The following RILPL2 variants were observed in gnomAD, a reference collection of about 807,000 sequenced individuals.
RILPL2 encodes Rab interacting lysosomal protein like 2, also known as RILP-like protein 2.
Under a neutral mutation model 22.2 loss-of-function variants are expected in RILPL2, and 19 were observed. That is an observed-to-expected ratio of 0.86 (90% confidence interval 0.60 to 1.25). The LOEUF is 1.25. Ranked by LOEUF, RILPL2 falls within the 50% of genes most tolerant of loss-of-function variation. The pLI is 0.00. For synonymous variants in RILPL2, 123 were observed against 111.6 expected (o/e 1.10, Z -0.64); for missense variants, 243 against 263.6 (o/e 0.92, Z 0.54).
intron 3 of RILPL2, among the ~76,000 whole-genome samples, chr12:123,417,860 C>T (rs1566089445): frequency 6.6e-6 from 1 of 152,206 alleles, no homozygotes; most frequent in Admixed American, 6.6e-5. Context: ...GCTGGGATTA[C>T]AGGCGTGAGC....
rs1189950557 is a variant in RILPL2 at position 123,430,675 on chromosome 12, C to T, written c.340-16G>A. Reference sequence around the variant, plus strand: ...CCAGGTTCACCTGGAAGAAAAGACGCAACCTTTGCAAGCAACTCTATATAA... The same window carrying T: ...CCAGGTTCACCTGGAAGAAAAGACGTAACCTTTGCAAGCAACTCTATATAA... On this transcript the variant is annotated splice_polypyrimidine_tract_variant and intron_variant, in intron 1 of 3. Coordinates refer to ENST00000280571, the MANE Select transcript of RILPL2 (RefSeq NM_145058.3). 6.4e-7 allele frequency: 1 copy of T among 1,557,084 alleles called. No homozygotes were observed.
chr12:123,430,324 G>A (rs1398408556), intron 2 of RILPL2, among the ~76,000 whole-genome samples, 184 bp downstream of exon 2: 4 of 151,982 alleles, frequency 2.6e-5, no homozygotes, highest in South Asian at 2.1e-4. Context: ...CAGGAGAATG[G>A]CGTGAACCCG....
intron 2 of RILPL2, among the ~76,000 whole-genome samples, chr12:123,424,943 T>G (rs922997148): frequency 2.4e-4 from 36 of 151,722 alleles, no homozygotes; most frequent in African/African-American, 8.5e-4. Flanking sequence ...GTGGTGGCGC[T>G]ACCTTGGCTC....
chr12:123,418,756 CTTTTTTTT>C (rs1202023726), intron 3 of RILPL2, among the ~76,000 whole-genome samples: 3 of 96,240 alleles, frequency 3.1e-5, no homozygotes, highest in Admixed American at 1.2e-4. Flanking sequence ...CTTTTTCTTT[CTTTTTTTT>C]TTTTTTTTTT....
chr12:123,430,969 G>A (rs973682977), intron 1 of RILPL2, among the ~76,000 whole-genome samples: 1 of 152,094 alleles, frequency 6.6e-6, no homozygotes, highest in African/African-American at 2.4e-5. Flanking sequence ...AAAGTGCTGG[G>A]ATTACAGGCG....
downstream of RILPL2, chr12:123,413,609 C>CA (rs1487068229): frequency 6.6e-6 from 1 of 152,226 alleles, no homozygotes; most frequent in East Asian, 1.9e-4. Flanking sequence ...AGATTTATTG[C>CA]AAAGAACAAA....
In RILPL2 at chr12:123,436,618, C is replaced by T; in HGVS notation, c.-198G>A. 1 of 859,108 alleles carries T rather than the reference C, an allele frequency of 1.2e-6. No individual in the cohort carries two copies. The highest frequency in any genetic ancestry group is 2.7e-5 in the East Asian group (1 of 37,170). 53.2% of individuals were successfully genotyped at this position (859,108 alleles called of 1,614,324 possible). On this transcript the variant is annotated 5_prime_UTR_variant, in exon 1 of 4. Transcript: ENST00000280571. The surrounding 1 kb of genome is among the most constrained non-coding windows in gnomAD (Gnocchi z 6.7). ...GGCCTGCGCCCCGGCGCACCGTCCC[C>T]GCTGCCAGCCACGCTGGAGAGTGCG...
chr12:123,429,186 T>A (rs964170267), intron 2 of RILPL2, among the ~76,000 whole-genome samples: 2 of 152,076 alleles, frequency 1.3e-5, no homozygotes, highest in Non-Finnish European at 2.9e-5. Flanking sequence ...GACAGGGTCT[T>A]GCTATGTTGC....
chr12:123,426,671 G>T (rs1264440031), intron 2 of RILPL2, among the ~76,000 whole-genome samples: 1 of 151,958 alleles, frequency 6.6e-6, no homozygotes, highest in Admixed American at 6.6e-5. Flanking sequence ...CGCGATCTCG[G>T]CTCACTGCAG....
chr12:123,436,002 G>A lies in RILPL2; in HGVS notation c.339+80C>T. 6.8e-7 allele frequency: 1 copy of A among 1,477,396 alleles called. No homozygotes were observed. Among genetic ancestry groups the A allele is most frequent in the Non-Finnish European group, 9.0e-7 (1 of 1,114,608 alleles). The allele number at this position is 1,477,396 out of a possible 1,614,324, so 91.5% of individuals were successfully genotyped here. On this transcript the variant is annotated intron_variant, in intron 1 of 3. Transcript: ENST00000280571. The surrounding 1 kb of genome is among the most constrained non-coding windows in gnomAD (Gnocchi z 6.7). ...AGAGAAAAGAGAAGAGAAAAGAAAA[G>A]GAAGGCGTCTCCCTGCCAGTAGGTG...
In RILPL2 at chr12:123,436,131, CTGAG is replaced by C; in HGVS notation, c.286_289del (p.Leu96GlyfsTer18). ...TCTCCGCAGCCCCTCCACCTCCTTCCTGAGGTGGTCCCTCTCCATCTTCAGCTCC... is the reference window on the plus strand; with the variant it reads ...TCTCCGCAGCCCCTCCACCTCCTTCCGTGGTCCCTCTCCATCTTCAGCTCC... On this transcript the variant is annotated frameshift_variant, in exon 1 of 4. Transcript: ENST00000280571. LOFTEE classifies it high-confidence loss of function. This position sits in a 1 kb window ranked among gnomAD's most constrained non-coding sequence, Gnocchi z 6.7. The C allele has an allele frequency of 3.1e-6, 5 of 1,596,262 alleles. No homozygotes were observed. Among genetic ancestry groups the C allele is most frequent in the Non-Finnish European group, 4.3e-6 (5 of 1,172,042 alleles).
chr12:123,413,590 G>A (rs547660400), downstream of RILPL2: 1 of 152,352 alleles, frequency 6.6e-6, no homozygotes, highest in African/African-American at 2.4e-5. Context: ...CAAAGAGTAA[G>A]CAGTAGTAAG....
At chr12:123,423,655 G>A (rs922020981) in intron 2 of RILPL2, among the ~76,000 whole-genome samples, 3 of 145,068 alleles carry the variant, frequency 2.1e-5, no homozygotes, top group Admixed American at 7.1e-5. Context: ...GTGATGCCTC[G>A]TTTCTTTTTT....
downstream of RILPL2, chr12:123,410,620 C>G (rs146550732): frequency 9.9e-5 from 15 of 151,926 alleles, no homozygotes; most frequent in East Asian, 2.7e-3. Flanking sequence ...TGGGCAGGTA[C>G]GTAGTCTCCT....
intron 1 of RILPL2, among the ~76,000 whole-genome samples, chr12:123,433,051 A>G (rs538561558): frequency 2.0e-5 from 3 of 152,120 alleles, no homozygotes; most frequent in Admixed American, 1.3e-4. Flanking sequence ...CTTCCATGTG[A>G]ATTTCAGTGA....
intron 2 of RILPL2, among the ~76,000 whole-genome samples, chr12:123,425,428 C>G (rs1378620663): frequency 6.6e-6 from 1 of 152,078 alleles, no homozygotes; most frequent in East Asian, 1.9e-4. Context: ...ATCTGCCTGC[C>G]TCAGCCTCCC....
At chr12:123,422,512 T>C (rs1292141687) in intron 3 of RILPL2, among the ~76,000 whole-genome samples, 1 of 152,160 alleles carries the variant, frequency 6.6e-6, no homozygotes, top group Non-Finnish European at 1.5e-5. Context: ...TGAGACTTTG[T>C]CTCAAAACAA....
chr12:123,422,241 G>A lies in RILPL2; in HGVS notation c.605+803C>T, dbSNP rs558504962. On this transcript the variant is annotated intron_variant, in intron 3 of 3. Transcript: ENST00000280571. ...CCAGCTAATTAAAAAAAAAAAAATT[G>A]GCCAGGCGCAGTGGCTCATGCCTGT... Among the ~76,000 whole-genome samples, 12 of 149,290 alleles carry A rather than the reference G, an allele frequency of 8.0e-5. No homozygotes were observed. The South Asian group carries it at 2.6e-3, about 32-fold the overall frequency.
chr12:123,411,150 C>T (rs1878964041), downstream of RILPL2: 1 of 152,002 alleles, frequency 6.6e-6, no homozygotes, highest in Admixed American at 6.6e-5. Context: ...TCAAGCGATT[C>T]TCCTGCCTCA....
Sources: gnomAD v4.1 joint callset for allele counts (sites outside exome capture counted in the v4.1 genomes callset) on GRCh38, gnomAD v4.1.1 for gene constraint, Gnocchi (gnomAD v3.1) non-coding constraint, MANE v1.5 for transcripts, NCBI Gene and HGNC (gene_info 2026-07-23, HGNC 2026-07-21) for gene names.